WNT9B: variants seen among roughly 807,000 people sequenced by gnomAD.
WNT9B encodes Wnt family member 9B.
Under a neutral mutation model 30.2 loss-of-function variants are expected in WNT9B, and 12 were observed. That is an observed-to-expected ratio of 0.40 (90% CI 0.26 to 0.64). The LOEUF (loss-of-function observed/expected upper bound fraction) is 0.64, where lower values mean the gene tolerates loss of function less well. Ranked by LOEUF, WNT9B falls within the 30% of genes least tolerant of loss-of-function variation. WNT9B has a pLI of 0.42. For missense variants in WNT9B, 442 were observed against 485.2 expected, an observed-to-expected ratio of 0.91 and a Z score of 0.84; for synonymous variants, 218 against 216.9, an observed-to-expected ratio of 1.01 and a Z score of -0.05.
intron 1 of WNT9B, among the ~76,000 whole-genome samples, chr17:46,859,910 A>G (rs1361947220): frequency 6.6e-6 from 1 of 152,218 alleles, no homozygotes; most frequent in Non-Finnish European, 1.5e-5. Context: ...GAAAATTTAA[A>G]AAAAGAAATT....
chr17:46,882,205 A>G (rs2085432440), downstream of WNT9B, among the ~76,000 whole-genome samples: 1 of 152,204 alleles, frequency 6.6e-6, no homozygotes. Flanking sequence ...CTGGCCCAGG[A>G]TCCACTCAAG....
intron 2 of WNT9B, 63 bp from the exon 3 acceptor site, chr17:46,875,038 A>T: frequency 6.2e-7 from 1 of 1,612,842 alleles, no homozygotes; most frequent in South Asian, 1.1e-5. Flanking sequence ...GCAACCTCTA[A>T]GCTTCCTCCT....
chr17:46,873,086 TCACACACACACACACACACACA>T lies in WNT9B; in HGVS notation c.334+339_334+360del, dbSNP rs61118325. On this transcript the variant is annotated intron_variant, in intron 2 of 3. Coordinates refer to ENST00000290015, the MANE Select transcript of WNT9B (RefSeq NM_003396.3). ...CCCCCAGTTGTCTCCCTCTGCCTCT[TCACACACACACACACACACACA>T]CACACACACACACACACACACACAC... Among the ~76,000 whole-genome samples, 13 of 139,914 alleles carry T rather than the reference TCACACACACACACACACACACA, an allele frequency of 9.3e-5. No homozygotes were observed. The East Asian group carries it at 2.4e-3, about 26-fold the overall frequency. 91.8% of individuals were successfully genotyped at this position (139,914 alleles called of 152,430 possible).
At chr17:46,848,881 G>T (rs776574749), upstream of WNT9B, among the ~76,000 whole-genome samples, 12 of 152,182 alleles carry the variant, frequency 7.9e-5, no homozygotes, top group Non-Finnish European at 1.8e-4. Context: ...CTCCCAGAGG[G>T]CTTGAGGCTT....
downstream of WNT9B, among the ~76,000 whole-genome samples, chr17:46,884,043 C>T (rs1362892675): frequency 6.6e-6 from 1 of 152,106 alleles, no homozygotes; most frequent in Non-Finnish European, 1.5e-5. Context: ...GTGGTGGAGG[C>T]CGGGCAGAGG....
intron 2 of WNT9B, among the ~76,000 whole-genome samples, 157 bp downstream of exon 2, chr17:46,872,930 G>A (rs921536537): frequency 1.3e-5 from 2 of 152,126 alleles, no homozygotes; most frequent in African/African-American, 4.8e-5. Context: ...AGAGTCACAA[G>A]AGTTAATGAG....
At position 46,878,636 on chromosome 17, in the gene WNT9B, C is replaced by T. The variant is rs2085382057; in HGVS notation, c.*1918C>T. ...CTCTGCCTTCCCAATCCATCTTGCT[C>T]CTCCGAGACCCCAACTCTGCCTCCA... On this transcript the variant is annotated 3_prime_UTR_variant, in exon 4 of 4. Coordinates refer to ENST00000290015, the MANE Select transcript of WNT9B (RefSeq NM_003396.3). 6.6e-6 allele frequency among the ~76,000 whole-genome samples: 1 copy of T among 152,182 alleles called. No individual in the cohort carries two copies. Among genetic ancestry groups the T allele is most frequent in the Non-Finnish European group, 1.5e-5 (1 of 68,030 alleles).
rs558275188 is a variant in WNT9B at position 46,863,996 on chromosome 17, G to A, written c.78-8521G>A. ...GAGAACAAGTGGAATCTGCAGCATG[G>A]GACATCTCTGCCTAGAGCCTGTGCA... On this transcript the variant is annotated intron_variant, in intron 1 of 3. Transcript: ENST00000290015. Among the ~76,000 whole-genome samples the A allele has an allele frequency of 3.9e-5, 6 of 152,206 alleles. No homozygotes were observed. In the South Asian group the frequency reaches 1.0e-3, roughly 26 times the overall value.
At chr17:46,835,327 T>C (rs2084614882) in intron 1 of WNT9B, among the ~76,000 whole-genome samples, 2 of 152,164 alleles carry the variant, frequency 1.3e-5, no homozygotes, top group Admixed American at 6.5e-5. Context: ...TTCTCCTGCC[T>C]CAGCCTCCCG....
chr17:46,847,873 C>T (rs753025234), upstream of WNT9B, among the ~76,000 whole-genome samples: 1 of 152,064 alleles, frequency 6.6e-6, no homozygotes, highest in Admixed American at 6.5e-5. Context: ...GGGCAGGTGC[C>T]GGGAAGAGGA....
At chr17:46,872,391 C>A in intron 1 of WNT9B, 126 bp from the exon 2 acceptor site, 1 of 1,347,156 alleles carries the variant, frequency 7.4e-7, no homozygotes, top group Non-Finnish European at 9.6e-7. Context: ...GGGACGGGAC[C>A]TCCAGCGGGT....
At chr17:46,882,782 C>T (rs1397816564), downstream of WNT9B, among the ~76,000 whole-genome samples, 1 of 152,164 alleles carries the variant, frequency 6.6e-6, no homozygotes, top group Non-Finnish European at 1.5e-5. Context: ...GTCCTAGATG[C>T]CATGGTAATG....
chr17:46,842,387 T>C (rs76854332), intron 1 of WNT9B, among the ~76,000 whole-genome samples: 7,252 of 151,874 alleles, frequency 0.048, 584 homozygotes, highest in African/African-American at 0.16. Context: ...TATTTGGTTG[T>C]TTTTTCAGAC....
chr17:46,874,896 G>A, intron 2 of WNT9B: 1 of 770,648 alleles, frequency 1.3e-6, no homozygotes. Flanking sequence ...CCATTTAAAT[G>A]GCAACTTGCA....
At chr17:46,873,450 C>T (rs2085289871) in intron 2 of WNT9B, among the ~76,000 whole-genome samples, 1 of 152,008 alleles carries the variant, frequency 6.6e-6, no homozygotes. Context: ...GACTCCCTTG[C>T]CAAGGGGAAA....
intron 1 of WNT9B, among the ~76,000 whole-genome samples, chr17:46,868,265 T>A (rs1363556471): frequency 6.6e-6 from 1 of 152,212 alleles, no homozygotes; most frequent in East Asian, 1.9e-4. Flanking sequence ...TCTGATAGCA[T>A]CTCATTGGCC....
In WNT9B at chr17:46,851,988, G is replaced by T. The variant is rs1306482697; in HGVS notation, c.77+273G>T. On this transcript the variant is annotated intron_variant, in intron 1 of 3. Transcript: ENST00000290015. This position sits in a 1 kb window ranked among gnomAD's most constrained non-coding sequence, Gnocchi z 4.3. ...CGCTCTCCTCATCCCGCCGGGTCTC[G>T]GACTCTGCGCACGCCTCGGACCCTG... Among the ~76,000 whole-genome samples, 1 of 152,128 alleles carries T rather than the reference G, an allele frequency of 6.6e-6. No homozygotes were observed. Among genetic ancestry groups the T allele is most frequent in the African/African-American group, 2.4e-5 (1 of 41,432 alleles).
At chr17:46,881,130 G>A (rs1357306576), downstream of WNT9B, among the ~76,000 whole-genome samples, 1 of 152,206 alleles carries the variant, frequency 6.6e-6, no homozygotes, top group Non-Finnish European at 1.5e-5. Context: ...CTCTTTCTGA[G>A]CCAAGCACAG....
Position 46,857,878 on chromosome 17 carries a change from GTTAT to G in WNT9B, c.77+6166_77+6169del. Among the ~76,000 whole-genome samples, 4 of 152,074 alleles carry G rather than the reference GTTAT, an allele frequency of 2.6e-5. No individual in the cohort carries two copies. The East Asian group carries it at 7.7e-4, about 29-fold the overall frequency. ...GGTCATTTGAATATCATTTCATTGG[GTTAT>G]TTGTCTTCTTATTGAATTGTAAGAG... On this transcript the variant is annotated intron_variant, in intron 1 of 3. Transcript: ENST00000290015.
Sources: allele counts gnomAD v4.1 joint callset (sites outside exome capture counted in the v4.1 genomes callset), GRCh38; gene constraint gnomAD v4.1.1; non-coding constraint Gnocchi (gnomAD v3.1); transcripts MANE v1.5; gene names NCBI Gene and HGNC (gene_info 2026-07-23, HGNC 2026-07-21).